The following NR1I2 variants were observed in gnomAD, a reference collection of about 807,000 sequenced individuals.
NR1I2 encodes nuclear receptor subfamily 1 group I member 2.
A neutral mutation model predicts 43.3 loss-of-function variants in NR1I2; 42 were observed. The ratio of observed to expected loss-of-function variants is 0.97; its 90% confidence interval spans 0.76 to 1.26. The LOEUF (loss-of-function observed/expected upper bound fraction) is 1.26, where lower values mean the gene tolerates loss of function less well. Ranked by LOEUF, NR1I2 falls within the 50% of genes most tolerant of loss-of-function variation. NR1I2 has a pLI of 0.00. For synonymous variants in NR1I2, 229 were observed against 215.0 expected (o/e 1.06, Z -0.57); for missense variants, 559 against 566.7 (o/e 0.99, Z 0.14).
chr3:119,803,280 A>T (rs1484816234), intron 1 of NR1I2, among the ~76,000 whole-genome samples: 1 of 151,476 alleles, frequency 6.6e-6, no homozygotes, highest in African/African-American at 2.4e-5. Context: ...ATGAGCTGAG[A>T]TCACACCACT....
intron 1 of NR1I2, among the ~76,000 whole-genome samples, chr3:119,783,978 C>T (rs940217337): frequency 1.3e-5 from 2 of 152,124 alleles, no homozygotes; most frequent in East Asian, 1.9e-4. Context: ...GTTTTCTTTT[C>T]GATAGATATT....
chr3:119,815,014 A>C lies in NR1I2; in HGVS notation c.830A>C (p.Lys277Thr), dbSNP rs751030739. 1.2e-6 allele frequency: 2 copies of C among 1,614,106 alleles called. No homozygotes were observed. The highest frequency in any genetic ancestry group is 2.2e-5 in the South Asian group (2 of 91,076). Reference sequence around the variant, plus strand: ...ATCGAGGACCAGATCTCCCTGCTGAAGGGGGCCGCTTTCGAGCTGTGTCAA... The same window carrying C: ...ATCGAGGACCAGATCTCCCTGCTGACGGGGGCCGCTTTCGAGCTGTGTCAA... Residue 277 changes from lysine to threonine, a missense_variant, in exon 6 of 9, where the codon AAG becomes ACG. Transcript: ENST00000393716.
intron 2 of NR1I2, among the ~76,000 whole-genome samples, chr3:119,809,358 G>C (rs1288841515): frequency 1.3e-5 from 2 of 152,042 alleles, no homozygotes; most frequent in Non-Finnish European, 2.9e-5. Flanking sequence ...GGGTGTGCGG[G>C]CCCGTGGGTC....
At chr3:119,787,714 A>T (rs890564682) in intron 1 of NR1I2, among the ~76,000 whole-genome samples, 6 of 110,122 alleles carry the variant, frequency 5.4e-5, no homozygotes, top group African/African-American at 2.0e-4. Flanking sequence ...TGTGGTGTGT[A>T]TGTGTATCTT....
intron 1 of NR1I2, among the ~76,000 whole-genome samples, chr3:119,793,335 G>A (rs2054948803): frequency 6.6e-6 from 1 of 152,102 alleles, no homozygotes; most frequent in Admixed American, 6.6e-5. Context: ...TTCCCCTCCA[G>A]AGTTACCACA....
intron 1 of NR1I2, among the ~76,000 whole-genome samples, chr3:119,802,321 T>C (rs2055093050): frequency 6.6e-6 from 1 of 152,188 alleles, no homozygotes; most frequent in African/African-American, 2.4e-5. Flanking sequence ...ATTAAGAAAT[T>C]GGGGAAAGTG....
rs201179068 is a variant in NR1I2, at chr3:119,815,065, C to A, written c.881C>A (p.Ala294Glu). The A allele has an allele frequency of 5.6e-6, 9 of 1,614,004 alleles. No homozygotes were observed. The highest frequency in any genetic ancestry group is 7.6e-6 in the Non-Finnish European group (9 of 1,180,038). Residue 294 changes from alanine (A) to glutamate (E), a missense_variant, in exon 6 of 9, where the codon GCG becomes GAG. Ala to Glu is a moderately radical substitution (Grantham distance 107). Transcript: ENST00000393716. ...CTGAGATTCAACACAGTGTTCAACG[C>A]GGAGACTGGAACCTGGGAGTGTGGC...
At chr3:119,784,071 G>A (rs999870051) in intron 1 of NR1I2, among the ~76,000 whole-genome samples, 3 of 152,196 alleles carry the variant, frequency 2.0e-5, no homozygotes, top group African/African-American at 7.2e-5. Flanking sequence ...TTGCACTAGA[G>A]GAACTACTAA....
Position 119,817,291 on chromosome 3 carries a change from A to T in NR1I2, c.*79A>T. ...AGCCGCCACTCCCGGGCCAAGACAG[A>T]TGGACACTGCCAAGAGCCGACAATG... On this transcript the variant is annotated 3_prime_UTR_variant, in exon 9 of 9. Coordinates refer to ENST00000393716, the MANE Select transcript of NR1I2 (RefSeq NM_003889.4). The T allele has an allele frequency of 6.2e-7, 1 of 1,604,600 alleles. No homozygotes were observed. The highest frequency in any genetic ancestry group is 8.5e-7 in the Non-Finnish European group (1 of 1,179,018).
chr3:119,811,481 G>C, intron 3 of NR1I2, 58 bp from the exon 4 acceptor site: 1 of 1,531,426 alleles, frequency 6.5e-7, no homozygotes, highest in Non-Finnish European at 8.8e-7. Flanking sequence ...TGGCTCTCCA[G>C]GGGGCTGGAG....
At chr3:119,807,516 G>A in intron 2 of NR1I2, 69 bp downstream of exon 2, 1 of 1,386,854 alleles carries the variant, frequency 7.2e-7, no homozygotes, top group South Asian at 1.2e-5. Flanking sequence ...CAGGGCCTCA[G>A]CTTGACCTGT....
intron 1 of NR1I2, among the ~76,000 whole-genome samples, chr3:119,796,876 C>T (rs1053880630): frequency 6.6e-6 from 1 of 152,230 alleles, no homozygotes; most frequent in African/African-American, 2.4e-5. Context: ...CTCTCAGCAG[C>T]TTCCATTTTA....
At chr3:119,811,407 T>A (rs1173834260) in intron 3 of NR1I2, 132 bp from the exon 4 acceptor site, 1 of 857,270 alleles carries the variant, frequency 1.2e-6, no homozygotes, top group African/African-American at 1.7e-5. Flanking sequence ...CAGGGGAGAA[T>A]TGCTTGTCAC....
rs747428529 is a variant in NR1I2 at position 119,815,728 on chromosome 3, C to T, written c.1057C>T (p.Arg353Cys). The T allele has an allele frequency of 6.3e-5, 101 of 1,612,272 alleles. 1 individual carries two copies. The South Asian group carries it at 7.4e-4, about 12-fold the overall frequency. ...CACCACACCTCCCTCCCCTCCAGAC[C>T]GCCCAGGTGTGCTGCAGCACCGCGT... Residue 353 changes from arginine (R) to cysteine (C), a missense_variant and splice_region_variant, in exon 8 of 9, where the codon CGC (arginine) becomes TGC (cysteine). Coordinates refer to ENST00000393716, the MANE Select transcript of NR1I2 (RefSeq NM_003889.4).
chr3:119,784,885 C>A (rs1441103579), intron 1 of NR1I2, among the ~76,000 whole-genome samples: 1 of 152,030 alleles, frequency 6.6e-6, no homozygotes, highest in African/African-American at 2.4e-5. Flanking sequence ...TTGATTTTTT[C>A]CCCCAATAAA....
At chr3:119,811,263 A>G (rs1190020811) in intron 3 of NR1I2, 1 of 363,468 alleles carries the variant, frequency 2.8e-6, no homozygotes, top group Non-Finnish European at 5.0e-6. Context: ...TTGGATTCTG[A>G]AGCCCGTGCT....
intron 1 of NR1I2, among the ~76,000 whole-genome samples, chr3:119,800,576 G>A (rs1408149360): frequency 6.6e-6 from 1 of 152,068 alleles, no homozygotes; most frequent in Non-Finnish European, 1.5e-5. Context: ...TAATCATAGG[G>A]TGTTTTTTGG....
At position 119,807,436 on chromosome 3, in the gene NR1I2, G is replaced by C. The variant is rs772537982; in HGVS notation, c.186G>C (p.Lys62Asn). 3 of 1,613,558 alleles carry C rather than the reference G, an allele frequency of 1.9e-6. No homozygotes were observed. The highest frequency in any genetic ancestry group is 2.5e-6 in the Non-Finnish European group (3 of 1,180,026). Residue 62 changes from lysine to asparagine, a missense_variant, in exon 2 of 9, where the codon AAG becomes AAC. Around this residue, in one of 3 missense-constraint regions of NR1I2, gnomAD observed 232 missense variants for 236.6 expected, o/e 0.98. Transcript: ENST00000393716. ...ATGTCATGACATGTGAAGGATGCAA[G>C]GGCTTTTTCAGGTAGAGTTACCCAT...
intron 1 of NR1I2, among the ~76,000 whole-genome samples, chr3:119,788,943 A>G (rs963687395): frequency 5.9e-5 from 9 of 152,238 alleles, no homozygotes; most frequent in Admixed American, 3.3e-4. Flanking sequence ...GACCCATAGC[A>G]TCAGCTCACC....
Sources: allele counts gnomAD v4.1 joint callset (sites outside exome capture counted in the v4.1 genomes callset), GRCh38; gene constraint gnomAD v4.1.1; regional missense constraint gnomAD v4.1.1; transcripts MANE v1.5; gene names NCBI Gene and HGNC (gene_info 2026-07-23, HGNC 2026-07-21).